GRB10: variants seen among roughly 807,000 people sequenced by gnomAD.
GRB10 encodes growth factor receptor bound protein 10.
In GRB10, 20 loss-of-function variants were observed where a neutral mutation model predicts 80.9. That is an observed-to-expected ratio of 0.25 (90% CI 0.17 to 0.36). GRB10 has a LOEUF of 0.36. Among genes scored for constraint, GRB10 ranks in the 10% least tolerant of loss-of-function variants. GRB10 has a pLI of 1.00. For synonymous variants in GRB10, 291 were observed against 291.5 expected (o/e 1.00, Z 0.02); for missense variants, 548 against 747.7 (o/e 0.73, Z 3.12).
chr7:50,593,340 T>C (rs2046048987), intron 18 of GRB10, among the ~76,000 whole-genome samples: 1 of 152,148 alleles, frequency 6.6e-6, no homozygotes, highest in Admixed American at 6.5e-5. Flanking sequence ...TGAGGACAGC[T>C]AGCTCCCCTG....
At chr7:50,686,179 T>C (rs1199616867) in intron 5 of GRB10, among the ~76,000 whole-genome samples, 4 of 152,098 alleles carry the variant, frequency 2.6e-5, no homozygotes, top group Non-Finnish European at 5.9e-5. Flanking sequence ...TGGGAGGTGA[T>C]TGGGTCATTG....
chr7:50,777,266 C>T (rs1231420138), intron 2 of GRB10, among the ~76,000 whole-genome samples: 1 of 152,016 alleles, frequency 6.6e-6, no homozygotes, highest in Non-Finnish European at 1.5e-5. Flanking sequence ...AGAGAGCAAA[C>T]CCATTCCCCC....
chr7:50,593,090 G>T lies in GRB10; in HGVS notation c.1647C>A (p.Asp549Glu). The change falls in exon 19 of 19, where the codon GAC becomes GAA. Residue 549 changes from aspartate (D) to glutamate (E), a missense_variant. Physicochemically the swap from Asp to Glu is conservative, Grantham distance 45. Around this residue, in one of 4 missense-constraint regions of GRB10, gnomAD observed 32 missense variants for 66.0 expected, o/e 0.48. Transcript: ENST00000401949. The part of the protein sequence containing the change: ...IKNFQILPCE[D>E]DGQTFFSLDD... ...CTAGGCTGAAGAACGTCTGCCCGTC[G>T]TCCTCGCACTGGAGAGACACAAGAA... The T allele has an allele frequency of 6.2e-7, 1 of 1,614,034 alleles. No homozygotes were observed. The highest frequency in any genetic ancestry group is 8.5e-7 in the Non-Finnish European group (1 of 1,180,010).
intron 11 of GRB10, 114 bp downstream of exon 11, chr7:50,616,096 G>A: frequency 1.7e-6 from 2 of 1,205,152 alleles, no homozygotes; most frequent in Non-Finnish European, 2.4e-6. Flanking sequence ...AAGTTGTCCT[G>A]AGCTTGGAGG....
intron 7 of GRB10, among the ~76,000 whole-genome samples, chr7:50,666,090 C>A (rs1322585639): frequency 2.6e-5 from 4 of 152,184 alleles, no homozygotes; most frequent in African/African-American, 9.7e-5. Context: ...AGGGAGAGGA[C>A]GCAAGGCAGC....
chr7:50,793,025 C>CGGGCCCGGGGCGCCG, intron 1 of GRB10: 2 of 143,702 alleles, frequency 1.4e-5, no homozygotes, highest in Non-Finnish European at 3.1e-5. Context: ...CCGCCCGCTG[C>CGGGCCCGGGGCGCCG]GGGCCCGGGG....
intron 7 of GRB10, among the ~76,000 whole-genome samples, chr7:50,656,039 T>C (rs912273311): frequency 1.3e-5 from 2 of 152,182 alleles, no homozygotes; most frequent in Non-Finnish European, 2.9e-5. Flanking sequence ...GTGTCTGCCC[T>C]GCCAGCCTCA....
At chr7:50,771,482 A>T (rs369685458) in intron 2 of GRB10, among the ~76,000 whole-genome samples, 1 of 152,168 alleles carries the variant, frequency 6.6e-6, no homozygotes, top group African/African-American at 2.4e-5. Flanking sequence ...GGAAAATGTC[A>T]TATGTCCAGT....
At chr7:50,775,174 C>CAAAAAAAAAAAAAAAAAA (rs1305513693) in intron 2 of GRB10, among the ~76,000 whole-genome samples, 1 of 71,452 alleles carries the variant, frequency 1.4e-5, no homozygotes, top group Non-Finnish European at 2.7e-5. Flanking sequence ...AAAAAAAAAA[C>CAAAAAAAAAAAAAAAAAA]AAAAAAAAAC....
chr7:50,659,418 G>A (rs2058992253), intron 7 of GRB10, among the ~76,000 whole-genome samples: 1 of 152,144 alleles, frequency 6.6e-6, no homozygotes, highest in Admixed American at 6.5e-5. Context: ...AGGGAGCCTA[G>A]CCAAGCCCCC....
At chr7:50,706,549 G>T (rs2065059938) in intron 4 of GRB10, among the ~76,000 whole-genome samples, 1 of 152,216 alleles carries the variant, frequency 6.6e-6, no homozygotes. Flanking sequence ...AAGCCAGCCA[G>T]TGACTGTTTA....
At chr7:50,765,992 CAGAGCAAA>C (rs2076306555) in intron 2 of GRB10, among the ~76,000 whole-genome samples, 1 of 152,052 alleles carries the variant, frequency 6.6e-6, no homozygotes. Context: ...GTTAATTCCG[CAGAGCAAA>C]AGGAGCCAAA....
Position 50,677,452 on chromosome 7 carries a change from C to T in GRB10, c.140-2794G>A, listed in dbSNP as rs79989559. ...CTCAGGGAGAGGAGAGCCTCACTGC[C>T]AACTGCTGGAGCGAAAATTGCAGTC... On this transcript the variant is annotated intron_variant, in intron 5 of 18. Coordinates refer to ENST00000401949, the MANE Select transcript of GRB10 (RefSeq NM_001350814.2). Among the ~76,000 whole-genome samples the T allele has an allele frequency of 4.0e-3, 606 of 152,236 alleles. 15 individuals are homozygous for T. In the East Asian group the frequency reaches 0.069, roughly 17 times the overall value.
chr7:50,667,730 C>T (rs938148787), intron 7 of GRB10, among the ~76,000 whole-genome samples: 3 of 151,918 alleles, frequency 2.0e-5, no homozygotes, highest in Non-Finnish European at 4.4e-5. Context: ...TGAGAAACAT[C>T]CTTCCTGGTC....
At chr7:50,759,324 G>C (rs921653204) in intron 2 of GRB10, among the ~76,000 whole-genome samples, 2 of 152,024 alleles carry the variant, frequency 1.3e-5, no homozygotes, top group Non-Finnish European at 2.9e-5. Flanking sequence ...GATAGAACAG[G>C]AGGCCCACAG....
chr7:50,790,770 C>T (rs889588414), intron 1 of GRB10, among the ~76,000 whole-genome samples: 1 of 152,232 alleles, frequency 6.6e-6, no homozygotes, highest in East Asian at 1.9e-4. Context: ...TCGGTTTTAC[C>T]AGATAAACCA....
chr7:50,696,162 T>C (rs1320186989), intron 5 of GRB10, among the ~76,000 whole-genome samples: 1 of 152,234 alleles, frequency 6.6e-6, no homozygotes, highest in Non-Finnish European at 1.5e-5. Flanking sequence ...GAAATGGATA[T>C]ACATGCACAC....
intron 18 of GRB10, 23 bp downstream of exon 18, chr7:50,595,413 TG>T: frequency 8.3e-7 from 1 of 1,211,970 alleles, no homozygotes; most frequent in Non-Finnish European, 1.2e-6. Flanking sequence ...CCACAAGGAC[TG>T]GTCTGAGAAC....
chr7:50,629,219 C>A (rs1369625481), intron 7 of GRB10, among the ~76,000 whole-genome samples: 2 of 152,140 alleles, frequency 1.3e-5, no homozygotes, highest in Non-Finnish European at 2.9e-5. Context: ...AGTCTCTTTG[C>A]CACTTTTCTT....
Sources: allele counts gnomAD v4.1 joint callset (sites outside exome capture counted in the v4.1 genomes callset), GRCh38; gene constraint gnomAD v4.1.1; regional missense constraint gnomAD v4.1.1; transcripts MANE v1.5; gene names NCBI Gene and HGNC (gene_info 2026-07-23, HGNC 2026-07-21).